CFAP141: variants seen among roughly 807,000 people sequenced by gnomAD.
CFAP141 encodes the protein cilia and flagella associated protein 141, also known as cilia- and flagella-associated protein 141.
At chr1:154,205,643 A>G in the CFAP141 span, 4 of 1,613,782 alleles carry the variant, frequency 2.5e-6, no homozygotes, top group Non-Finnish European at 3.4e-6. Context: ...AAAACTCTGC[A>G]AGAAAAGGTA....
At chr1:154,206,131 A>G in the CFAP141 span, 6 of 811,896 alleles carry the variant, frequency 7.4e-6, no homozygotes, top group Non-Finnish European at 1.3e-5. Flanking sequence ...ACTGTGTACT[A>G]GACACAGCCT....
At chr1:154,204,610 CCT>C in the CFAP141 span, among the ~76,000 whole-genome samples, 1 of 151,484 alleles carries the variant, frequency 6.6e-6, no homozygotes, top group African/African-American at 2.4e-5. Flanking sequence ...ACAGGGTTTT[CCT>C]CTCTCACCCA....
chr1:154,200,065 TG>T, the CFAP141 span, among the ~76,000 whole-genome samples: 3 of 151,856 alleles, frequency 2.0e-5, no homozygotes, highest in South Asian at 6.2e-4. Flanking sequence ...AGTAGAGAGG[TG>T]GTTTTGGCAT....
At chr1:154,203,172 AATATATATATAT>A in the CFAP141 span, among the ~76,000 whole-genome samples, 56 of 29,498 alleles carry the variant, frequency 1.9e-3, no homozygotes, top group Admixed American at 2.2e-3. Flanking sequence ...TGACTGGGCA[AATATATATATAT>A]ATATATATAT....
At chr1:154,203,605 A>G in the CFAP141 span, among the ~76,000 whole-genome samples, 1 of 151,762 alleles carries the variant, frequency 6.6e-6, no homozygotes, top group African/African-American at 2.4e-5. Context: ...TTTTTTGTAG[A>G]GACGGAGTCT....
the CFAP141 span, chr1:154,200,645 CA>C: frequency 5.1e-6 from 8 of 1,561,510 alleles, no homozygotes; most frequent in Admixed American, 7.3e-5. Context: ...GGAGTAGAGA[CA>C]AAAAACCCAT....
At chr1:154,199,474 G>A in the CFAP141 span, 4 of 1,613,370 alleles carry the variant, frequency 2.5e-6, no homozygotes, top group Non-Finnish European at 3.4e-6. Flanking sequence ...TTTAGTTCCT[G>A]CTGGTACTGC....
the CFAP141 span, among the ~76,000 whole-genome samples, chr1:154,203,231 A>G: frequency 2.4e-5 from 1 of 40,986 alleles, no homozygotes; most frequent in Non-Finnish European, 4.3e-5. Flanking sequence ...ATATATATAT[A>G]TATACTTTGT....
At chr1:154,199,577 CCTTT>C in the CFAP141 span, 9 of 1,155,024 alleles carry the variant, frequency 7.8e-6, no homozygotes, top group Non-Finnish European at 1.1e-5. Context: ...TGTTTACCAC[CCTTT>C]CTTATTCTTT....
the CFAP141 span, chr1:154,200,455 TC>T: frequency 6.2e-7 from 1 of 1,614,108 alleles, no homozygotes. Flanking sequence ...CTGCTAGAAC[TC>T]ACCATTAGTA....
At chr1:154,206,333 TGAG>T in the CFAP141 span, 1 of 1,611,366 alleles carries the variant, frequency 6.2e-7, no homozygotes, top group Non-Finnish European at 8.5e-7. Context: ...TGATACAGTC[TGAG>T]GAGACTGACA....
At chr1:154,199,126 A>G in the CFAP141 span, among the ~76,000 whole-genome samples, 7 of 152,212 alleles carry the variant, frequency 4.6e-5, no homozygotes, top group Non-Finnish European at 7.3e-5. Flanking sequence ...ATACCAAATC[A>G]GGATTCTCAA....
chr1:154,205,605 C>T, the CFAP141 span: 223 of 1,613,986 alleles, frequency 1.4e-4, no homozygotes, highest in African/African-American at 2.1e-3. Context: ...TACCTGTCGA[C>T]CGTCTTCTTA....
the CFAP141 span, among the ~76,000 whole-genome samples, chr1:154,199,813 G>C: frequency 6.6e-6 from 1 of 152,184 alleles, no homozygotes; most frequent in Non-Finnish European, 1.5e-5. Context: ...ATGGCACCAA[G>C]TGGGGACCCC....
the CFAP141 span, among the ~76,000 whole-genome samples, chr1:154,202,528 C>T: frequency 3.0e-4 from 45 of 152,090 alleles, no homozygotes; most frequent in Non-Finnish European, 1.5e-4. Flanking sequence ...AGGCCGGCCG[C>T]GGTGACTCAT....
At chr1:154,202,892 G>A in the CFAP141 span, among the ~76,000 whole-genome samples, 1 of 151,672 alleles carries the variant, frequency 6.6e-6, no homozygotes, top group Admixed American at 6.6e-5. Flanking sequence ...AGGCTGAGGC[G>A]GGCAGATCAC....
the CFAP141 span, chr1:154,205,647 A>T: frequency 6.2e-7 from 1 of 1,613,688 alleles, no homozygotes; most frequent in African/African-American, 1.3e-5. Flanking sequence ...CTCTGCAAGA[A>T]AAGGTAGTTC....
the CFAP141 span, among the ~76,000 whole-genome samples, chr1:154,205,864 G>A: frequency 3.2e-4 from 48 of 152,090 alleles, no homozygotes; most frequent in African/African-American, 9.9e-4. Flanking sequence ...CCACCATGCC[G>A]GGCTAATTTT....
the CFAP141 span, chr1:154,205,650 G>A: frequency 3.1e-6 from 5 of 1,613,496 alleles, no homozygotes; most frequent in South Asian, 2.2e-5. Flanking sequence ...TGCAAGAAAA[G>A]GTAGTTCTGT....
Sources: gnomAD v4.1 joint callset for allele counts (sites outside exome capture counted in the v4.1 genomes callset) on GRCh38, gnomAD v4.1.1 for gene constraint, MANE v1.5 for transcripts, NCBI Gene and HGNC (gene_info 2026-07-23, HGNC 2026-07-21) for gene names.